The following RIMS2 variants were observed in gnomAD, a reference collection of about 807,000 sequenced individuals.
RIMS2 encodes the protein regulating synaptic membrane exocytosis 2, also known as regulating synaptic membrane exocytosis protein 2.
Under a neutral mutation model 174.4 loss-of-function variants are expected in RIMS2, and 59 were observed. That is an observed-to-expected ratio of 0.34 (90% CI 0.27 to 0.42). The LOEUF (loss-of-function observed/expected upper bound fraction) is 0.42. RIMS2 is among the 10% of genes least tolerant of loss of function. The pLI is 1.00. For synonymous variants in RIMS2, 606 were observed against 572.5 expected, an observed-to-expected ratio of 1.06 and a Z score of -0.84; for missense variants, 1,620 against 1,666.3, an observed-to-expected ratio of 0.97 and a Z score of 0.48.
At chr8:103,918,688 T>A (rs1048325487) in intron 9 of RIMS2, 50 of 544,164 alleles carry the variant, frequency 9.2e-5, no homozygotes, top group Admixed American at 1.5e-4. Flanking sequence ...AAGTTTTTTT[T>A]AAACATGTCT....
chr8:104,071,471 G>C (rs1008512711), intron 19 of RIMS2, among the ~76,000 whole-genome samples: 16 of 152,242 alleles, frequency 1.1e-4, no homozygotes, highest in African/African-American at 3.9e-4. Flanking sequence ...GTCTTGCTCT[G>C]TCACCCAGGC....
At chr8:104,141,796 G>C (rs1189089287) in intron 19 of RIMS2, among the ~76,000 whole-genome samples, 2 of 152,136 alleles carry the variant, frequency 1.3e-5, no homozygotes, top group African/African-American at 4.8e-5. Context: ...ATCTGACTGG[G>C]TTCATCATTC....
chr8:103,705,545 G>T (rs939670645), intron 2 of RIMS2, among the ~76,000 whole-genome samples: 2 of 151,972 alleles, frequency 1.3e-5, no homozygotes, highest in African/African-American at 2.4e-5. Flanking sequence ...TAAGAGCGGG[G>T]TGTTGATATT....
intron 2 of RIMS2, among the ~76,000 whole-genome samples, chr8:103,736,408 C>T (rs2097686139): frequency 2.0e-5 from 3 of 152,242 alleles, no homozygotes; most frequent in Middle Eastern, 6.8e-3. Context: ...TATGAACAGA[C>T]CTAGCCAGTT....
chr8:103,841,882 G>A (rs2098941730), intron 3 of RIMS2, among the ~76,000 whole-genome samples: 1 of 151,962 alleles, frequency 6.6e-6, no homozygotes, highest in Non-Finnish European at 1.5e-5. Context: ...TAGAACCCGG[G>A]AGGCAGAGGT....
At chr8:103,799,718 C>T (rs1389707971) in intron 3 of RIMS2, among the ~76,000 whole-genome samples, 3 of 152,132 alleles carry the variant, frequency 2.0e-5, no homozygotes, top group African/African-American at 4.8e-5. Context: ...AGGATCCCCT[C>T]ACATACATAT....
intron 2 of RIMS2, among the ~76,000 whole-genome samples, chr8:103,733,231 A>G (rs1173944459): frequency 2.0e-5 from 3 of 152,114 alleles, no homozygotes; most frequent in Non-Finnish European, 2.9e-5. Flanking sequence ...TCTGGGAGCT[A>G]GAGCCTGGAA....
intron 4 of RIMS2, among the ~76,000 whole-genome samples, chr8:103,894,008 G>A (rs762554266): frequency 2.6e-5 from 4 of 152,064 alleles, no homozygotes; most frequent in Non-Finnish European, 5.9e-5. Flanking sequence ...ACCATGGAAT[G>A]TGGATCACAT....
intron 1 of RIMS2, among the ~76,000 whole-genome samples, chr8:103,590,823 A>G: frequency 6.6e-6 from 1 of 151,162 alleles, no homozygotes; most frequent in East Asian, 1.9e-4. Flanking sequence ...TATCAGATAA[A>G]TTTTTAGGAT....
downstream of RIMS2, chr8:104,252,196 T>C: frequency 8.6e-6 from 2 of 233,298 alleles, no homozygotes; most frequent in South Asian, 1.4e-4. Context: ...AGCCCTGATA[T>C]GCCACAGAAA....
intron 1 of RIMS2, among the ~76,000 whole-genome samples, chr8:103,531,619 A>G (rs1837200215): frequency 6.6e-6 from 1 of 152,172 alleles, no homozygotes; most frequent in Non-Finnish European, 1.5e-5. Flanking sequence ...TGGCTTTTAC[A>G]TGTTTAAATG....
intron 1 of RIMS2, among the ~76,000 whole-genome samples, chr8:103,617,284 G>C (rs765029667): frequency 1.3e-5 from 2 of 152,144 alleles, no homozygotes; most frequent in Non-Finnish European, 2.9e-5. Context: ...TCAATAAATG[G>C]TGCTGGGTTA....
At chr8:103,552,916 G>T (rs1204288565) in intron 1 of RIMS2, among the ~76,000 whole-genome samples, 1 of 152,160 alleles carries the variant, frequency 6.6e-6, no homozygotes, top group Non-Finnish European at 1.5e-5. Flanking sequence ...ACACCAGTTA[G>T]AATGGCGATC....
chr8:103,649,810 C>G (rs2096416203), intron 1 of RIMS2, among the ~76,000 whole-genome samples: 2 of 152,092 alleles, frequency 1.3e-5, no homozygotes, highest in South Asian at 4.1e-4. Context: ...TTCTGGCTAT[C>G]AGCTCCTGTA....
chr8:103,756,646 G>A (rs967307993), intron 2 of RIMS2, among the ~76,000 whole-genome samples: 1 of 151,826 alleles, frequency 6.6e-6, no homozygotes, highest in Non-Finnish European at 1.5e-5. Context: ...GGCTGGTCTC[G>A]AACTCCTGAG....
intron 19 of RIMS2, among the ~76,000 whole-genome samples, chr8:104,056,579 C>CTG (rs1290188965): frequency 2.0e-5 from 3 of 152,148 alleles, no homozygotes; most frequent in Non-Finnish European, 4.4e-5. Flanking sequence ...TCAACCAGTG[C>CTG]TGTTTTTTAA....
chr8:103,906,785 C>T (rs1412949613), intron 4 of RIMS2, among the ~76,000 whole-genome samples: 1 of 152,088 alleles, frequency 6.6e-6, no homozygotes, highest in Non-Finnish European at 1.5e-5. Flanking sequence ...ACAGATTTGT[C>T]AATGCTTTGT....
At chr8:103,954,405 T>C (rs949869431) in intron 14 of RIMS2, among the ~76,000 whole-genome samples, 3 of 152,208 alleles carry the variant, frequency 2.0e-5, no homozygotes, top group African/African-American at 7.2e-5. Flanking sequence ...AAACAGTCTC[T>C]CAGACCACAG....
At chr8:103,838,452 C>A (rs1032414537) in intron 3 of RIMS2, among the ~76,000 whole-genome samples, 1 of 152,084 alleles carries the variant, frequency 6.6e-6, no homozygotes, top group Non-Finnish European at 1.5e-5. Context: ...AGAAAATAGG[C>A]CCAATTTTAA....
Sources: gnomAD v4.1 joint callset for allele counts (sites outside exome capture counted in the v4.1 genomes callset) on GRCh38, gnomAD v4.1.1 for gene constraint, MANE v1.5 for transcripts, NCBI Gene and HGNC (gene_info 2026-07-23, HGNC 2026-07-21) for gene names.